B3GALT1: variants seen among roughly 807,000 people sequenced by gnomAD.
B3GALT1 encodes UDP-Gal:betaGlcNAc beta 1,3-galactosyltransferase, polypeptide 1.
B3GALT1 carries 10 observed loss-of-function variants against 23.2 expected under a neutral mutation model. The ratio of observed to expected loss-of-function variants is 0.43; its 90% CI spans 0.27 to 0.73. B3GALT1 has a LOEUF of 0.73. Ranked by LOEUF, B3GALT1 falls within the 30% of genes least tolerant of loss-of-function variation. The probability of loss-of-function intolerance (pLI) is 0.21; values close to 1 mark genes in which losing one functional copy is unlikely to be tolerated. For missense variants in B3GALT1, 299 were observed against 405.4 expected (o/e 0.74, Z 2.25); for synonymous variants, 156 against 141.5 (o/e 1.10, Z -0.73).
chr2:167,524,212 A>G (rs767791182), intron 2 of B3GALT1, among the ~76,000 whole-genome samples: 10 of 152,148 alleles, frequency 6.6e-5, no homozygotes, highest in Non-Finnish European at 1.5e-4. Context: ...GAGGTTGGAC[A>G]TATTTTTGTC....
At chr2:167,350,401 G>T (rs867612126) in intron 1 of B3GALT1, among the ~76,000 whole-genome samples, 4 of 152,156 alleles carry the variant, frequency 2.6e-5, no homozygotes, top group Middle Eastern at 3.2e-3. Flanking sequence ...TATAATGCTT[G>T]TTTGTAGTCT....
intron 3 of B3GALT1, among the ~76,000 whole-genome samples, chr2:167,758,071 G>A (rs1254756458): frequency 6.6e-6 from 1 of 152,188 alleles, no homozygotes; most frequent in Non-Finnish European, 1.5e-5. Context: ...GAATTCCAAT[G>A]GGAGTAGCAT....
chr2:167,837,814 T>G (rs1261600624), intron 4 of B3GALT1, among the ~76,000 whole-genome samples: 4 of 151,142 alleles, frequency 2.6e-5, no homozygotes, highest in Admixed American at 6.6e-5. Flanking sequence ...GAACAGAAAT[T>G]ATAACAAACT....
intron 2 of B3GALT1, among the ~76,000 whole-genome samples, chr2:167,504,528 A>T (rs1375671369): frequency 6.6e-6 from 1 of 152,160 alleles, no homozygotes; most frequent in African/African-American, 2.4e-5. Flanking sequence ...TTAACTAGTG[A>T]TAAATAAAAA....
At chr2:167,659,059 G>T (rs1054718852) in intron 3 of B3GALT1, among the ~76,000 whole-genome samples, 14 of 151,966 alleles carry the variant, frequency 9.2e-5, no homozygotes, top group African/African-American at 1.7e-4. Flanking sequence ...CTATTCAATT[G>T]CACACTAAGT....
chr2:167,439,509 G>T (rs1054504971), intron 1 of B3GALT1, among the ~76,000 whole-genome samples: 11 of 151,670 alleles, frequency 7.3e-5, no homozygotes, highest in Non-Finnish European at 1.6e-4. Context: ...AAATGTTATG[G>T]TCTTATTATT....
chr2:167,355,778 C>T (rs1244785163), intron 1 of B3GALT1, among the ~76,000 whole-genome samples: 1 of 151,976 alleles, frequency 6.6e-6, no homozygotes, highest in African/African-American at 2.4e-5. Flanking sequence ...AAAATATGTG[C>T]AATTACTTTG....
chr2:167,406,977 AC>A (rs1221640224), intron 1 of B3GALT1, among the ~76,000 whole-genome samples: 1 of 152,184 alleles, frequency 6.6e-6, no homozygotes, highest in African/African-American at 2.4e-5. Flanking sequence ...TAAACGACAT[AC>A]CCTATCTAAT....
At chr2:167,849,105 C>T (rs1034711313) in intron 4 of B3GALT1, among the ~76,000 whole-genome samples, 6 of 152,182 alleles carry the variant, frequency 3.9e-5, no homozygotes, top group Admixed American at 2.6e-4. Context: ...GGAAACATAT[C>T]TCATGATCAT....
chr2:167,667,713 G>A (rs894584837), intron 3 of B3GALT1, among the ~76,000 whole-genome samples: 10 of 151,876 alleles, frequency 6.6e-5, no homozygotes, highest in Admixed American at 2.6e-4. Flanking sequence ...ATCTTCCATC[G>A]CTGATGCCCT....
chr2:167,592,799 G>A (rs1250244608), intron 2 of B3GALT1, among the ~76,000 whole-genome samples: 1 of 151,978 alleles, frequency 6.6e-6, no homozygotes, highest in East Asian at 1.9e-4. Context: ...TCTTATCCTG[G>A]AAAAAGACAT....
In B3GALT1 at chr2:167,871,934, C is replaced by T. The variant is rs1465047261; in HGVS notation, c.*1914C>T. The T allele has an allele frequency of 9.0e-6, 1 of 111,674 alleles. No homozygotes were observed. The highest frequency in any genetic ancestry group is 3.5e-5 in the African/African-American group (1 of 28,674). The allele number at this position is 111,674 out of a possible 1,614,324, so 6.9% of individuals were successfully genotyped here. On this transcript the variant is annotated 3_prime_UTR_variant, in exon 5 of 5. Coordinates refer to ENST00000392690, the MANE Select transcript of B3GALT1 (RefSeq NM_020981.4). ...TTTTTTTTTTTGAGACGGAGTCTAG[C>T]TCTGTGGCCCAGGCGGGAGTGCAGT... is the stretch of plus-strand genomic sequence containing the variant.
chr2:167,605,062 G>GT (rs1355437243), intron 2 of B3GALT1, among the ~76,000 whole-genome samples: 2 of 152,176 alleles, frequency 1.3e-5, no homozygotes, highest in Admixed American at 6.5e-5. Context: ...TTCAAGTCAA[G>GT]TTTTCCTTCT....
intron 2 of B3GALT1, among the ~76,000 whole-genome samples, chr2:167,609,177 A>C (rs1386527345): frequency 1.3e-5 from 2 of 152,168 alleles, no homozygotes; most frequent in African/African-American, 2.4e-5. Flanking sequence ...CATATAAATA[A>C]TTTTAGATAT....
intron 2 of B3GALT1, among the ~76,000 whole-genome samples, chr2:167,586,024 C>T (rs2105411595): frequency 6.6e-6 from 1 of 152,300 alleles, no homozygotes; most frequent in Admixed American, 6.5e-5. Context: ...CAGCACAAGT[C>T]AAGTGTCTAG....
chr2:167,802,173 T>C (rs1688651079), intron 3 of B3GALT1, among the ~76,000 whole-genome samples: 1 of 152,172 alleles, frequency 6.6e-6, no homozygotes, highest in Admixed American at 6.5e-5. Flanking sequence ...TGTACTGCAG[T>C]CCTCCCTGTG....
chr2:167,685,660 CAG>C (rs529650211), intron 3 of B3GALT1, among the ~76,000 whole-genome samples: 1 of 152,036 alleles, frequency 6.6e-6, no homozygotes, highest in South Asian at 2.1e-4. Context: ...GAATATGAGT[CAG>C]AGAGAGAGCA....
At chr2:167,593,869 G>T (rs1396706992) in intron 2 of B3GALT1, among the ~76,000 whole-genome samples, 3 of 151,992 alleles carry the variant, frequency 2.0e-5, no homozygotes, top group Non-Finnish European at 4.4e-5. Context: ...AGGTGAGAGA[G>T]GGAAATATTG....
intron 3 of B3GALT1, among the ~76,000 whole-genome samples, chr2:167,803,107 C>CACACACAT (rs1385348327): frequency 2.2e-4 from 33 of 151,300 alleles, no homozygotes; most frequent in African/African-American, 7.8e-4. Flanking sequence ...CACACACACA[C>CACACACAT]ACACACACAC....
Sources: allele counts gnomAD v4.1 joint callset (sites outside exome capture counted in the v4.1 genomes callset), GRCh38; gene constraint gnomAD v4.1.1; transcripts MANE v1.5; gene names NCBI Gene and HGNC (gene_info 2026-07-23, HGNC 2026-07-21).